Variants in NRP2 observed in about 807,000 individuals in gnomAD.
NRP2 encodes the protein neuropilin 2.
Under a neutral mutation model 110.4 loss-of-function variants are expected in NRP2, and 52 were observed. The observed-to-expected ratio is 0.47, with a 90% confidence interval of 0.38 to 0.59. The LOEUF (loss-of-function observed/expected upper bound fraction) is 0.59, where lower values mean the gene tolerates loss of function less well. NRP2 is among the 20% of genes least tolerant of loss of function. The pLI is 0.00. For missense variants in NRP2, 1,049 were observed against 1,203.0 expected (o/e 0.87, Z 1.89); for synonymous variants, 508 against 468.9 (o/e 1.08, Z -1.08).
At chr2:205,767,207 C>G (rs2057938690) in intron 15 of NRP2, 2 of 313,250 alleles carry the variant, frequency 6.4e-6, no homozygotes, top group South Asian at 5.5e-5. Context: ...TTTATTTTAG[C>G]CTGAAGATGG....
chr2:205,726,494 T>G (rs1178458874), intron 6 of NRP2, among the ~76,000 whole-genome samples: 1 of 152,100 alleles, frequency 6.6e-6, no homozygotes, highest in Non-Finnish European at 1.5e-5. Flanking sequence ...CTCATGATCT[T>G]TGCTATTGGA....
chr2:205,716,942 T>A (rs1316480833), intron 3 of NRP2, among the ~76,000 whole-genome samples: 1 of 152,206 alleles, frequency 6.6e-6, no homozygotes, highest in Admixed American at 6.5e-5. Flanking sequence ...GCCAATGAAC[T>A]TGACTCCCTG....
In NRP2 at chr2:205,749,765, G is replaced by T; in HGVS notation, c.1827G>T (p.Lys609Asn). 6.2e-7 allele frequency: 1 copy of T among 1,614,186 alleles called. No individual in the cohort carries two copies. Among genetic ancestry groups the T allele is most frequent in the African/African-American group, 1.3e-5 (1 of 75,064 alleles). ...TAGAGACGCTGGGACCCACTGTGAA[G>T]AGCGAAGAGACAACCACCCCCTACC... ...PTVETLGPTV[K>N]SEETTTPYPT... Residue 609 changes from lysine (K) to asparagine (N), a missense_variant, in exon 11 of 17, where the codon AAG becomes AAT. Coordinates refer to ENST00000357785, the MANE Select transcript of NRP2 (RefSeq NM_003872.3).
chr2:205,695,002 T>A (rs1039682865), intron 1 of NRP2, among the ~76,000 whole-genome samples: 10 of 152,242 alleles, frequency 6.6e-5, no homozygotes, highest in African/African-American at 2.4e-4. Flanking sequence ...AAGTGTGAAT[T>A]ACTGATATGT....
chr2:205,699,950 C>A (rs2056516744), intron 2 of NRP2, among the ~76,000 whole-genome samples: 1 of 151,560 alleles, frequency 6.6e-6, no homozygotes. Flanking sequence ...GTTCCTCCCC[C>A]CATTTCTCCC....
chr2:205,776,822 T>C, intron 15 of NRP2: 1 of 1,315,980 alleles, frequency 7.6e-7, no homozygotes, highest in Non-Finnish European at 9.8e-7. Context: ...AAGGCTCAGC[T>C]GGTTTTGTTC....
intron 1 of NRP2, 30 bp downstream of exon 1, chr2:205,683,393 G>A (rs1312270076): frequency 9.1e-6 from 14 of 1,533,248 alleles, no homozygotes; most frequent in African/African-American, 1.4e-5. Context: ...TCTATTTATT[G>A]CAACATGGTT....
intron 2 of NRP2, among the ~76,000 whole-genome samples, chr2:205,714,613 C>A (rs2056858236): frequency 6.6e-6 from 1 of 152,222 alleles, no homozygotes; most frequent in Non-Finnish European, 1.5e-5. Flanking sequence ...ACTGAAACCA[C>A]AGACCTAAAC....
At chr2:205,699,920 A>T (rs1456079246) in intron 2 of NRP2, among the ~76,000 whole-genome samples, 6 of 152,052 alleles carry the variant, frequency 3.9e-5, no homozygotes, top group African/African-American at 1.4e-4. Context: ...TCATCCACTT[A>T]ACCTTGTCAT....
At chr2:205,766,972 G>A in intron 15 of NRP2, 169 bp downstream of exon 15, 1 of 655,024 alleles carries the variant, frequency 1.5e-6, no homozygotes, top group Non-Finnish European at 2.7e-6. Flanking sequence ...ACCTGTAGAT[G>A]CGGGAAGGGG....
At chr2:205,708,795 G>A (rs895051440) in intron 2 of NRP2, among the ~76,000 whole-genome samples, 3 of 152,192 alleles carry the variant, frequency 2.0e-5, no homozygotes, top group Non-Finnish European at 4.4e-5. Flanking sequence ...CTGGTTGTGA[G>A]GGGATTGTGG....
At chr2:205,701,033 T>G in intron 2 of NRP2, 1 of 206,350 alleles carries the variant, frequency 4.8e-6, no homozygotes, top group Non-Finnish European at 1.0e-5. Context: ...ACAGAGGCCT[T>G]TCGCTTGAGT....
chr2:205,729,622 C>T (rs2057197927), intron 7 of NRP2, among the ~76,000 whole-genome samples: 1 of 152,226 alleles, frequency 6.6e-6, no homozygotes, highest in Admixed American at 6.5e-5. Context: ...CTAAGCAGCA[C>T]AGGCCCAGAG....
At chr2:205,789,641 A>G (rs1435022319) in intron 15 of NRP2, among the ~76,000 whole-genome samples, 1 of 152,132 alleles carries the variant, frequency 6.6e-6, no homozygotes, top group African/African-American at 2.4e-5. Flanking sequence ...CTCCTAGCTC[A>G]TCATTCTCCC....
chr2:205,722,071 A>G (rs970505947), intron 3 of NRP2, among the ~76,000 whole-genome samples: 1 of 152,034 alleles, frequency 6.6e-6, no homozygotes, highest in African/African-American at 2.4e-5. Flanking sequence ...TTAAGGATTG[A>G]AATAACTTAC....
rs1201603313 is a variant in NRP2, at chr2:205,697,598, C to T, written c.128C>T (p.Pro43Leu). Residue 43 changes from proline to leucine, a missense_variant, in exon 2 of 17, where the codon CCC (proline) becomes CTC (leucine). Transcript: ENST00000357785. ...NSKDAGYITS[P>L]GYPQDYPSHQ... ...AAAGATGCTGGCTATATCACCTCTC[C>T]CGGTTACCCCCAGGACTACCCCTCC... is the stretch of plus-strand genomic sequence containing the variant. 6.2e-7 allele frequency: 1 copy of T among 1,614,012 alleles called. No homozygotes were observed. The highest frequency in any genetic ancestry group is 1.1e-5 in the South Asian group (1 of 91,070).
chr2:205,740,375 C>T (rs2057418480), intron 7 of NRP2, 144 bp from the exon 8 acceptor site: 1 of 823,224 alleles, frequency 1.2e-6, no homozygotes, highest in Admixed American at 2.0e-5. Context: ...CTTTAAAAAG[C>T]CCAAAACAAC....
At chr2:205,736,118 T>G (rs1454266668) in intron 7 of NRP2, among the ~76,000 whole-genome samples, 3 of 152,056 alleles carry the variant, frequency 2.0e-5, no homozygotes, top group Admixed American at 6.6e-5. Flanking sequence ...AAGGCAGGTG[T>G]ATCACTTGAG....
At chr2:205,702,691 G>A (rs2105752661) in intron 2 of NRP2, among the ~76,000 whole-genome samples, 1 of 152,314 alleles carries the variant, frequency 6.6e-6, no homozygotes, top group African/African-American at 2.4e-5. Context: ...ATAGTAAACA[G>A]AGAGATCAGA....
Sources: allele counts gnomAD v4.1 joint callset (sites outside exome capture counted in the v4.1 genomes callset), GRCh38; gene constraint gnomAD v4.1.1; transcripts MANE v1.5; gene names NCBI Gene and HGNC (gene_info 2026-07-23, HGNC 2026-07-21).